Variants in LINC00632 observed in about 807,000 individuals in gnomAD.
LINC00632 encodes the protein long independently transcribed non-coding RNA 632.
chrX:140,783,450 C>T, exon 5 of LINC00632: 3 of 690,315 alleles, frequency 4.3e-6, no homozygotes, highest in Non-Finnish European at 6.4e-6. Context: ...CCAGGAAATC[C>T]ATGTCTTCCA....
chrX:140,724,293 ACACACACACATTCAGACACATTCCATACT>A (rs1336230540), intron 2 of LINC00632, among the ~76,000 whole-genome samples: 1 of 97,943 alleles, frequency 1.0e-5, no homozygotes, highest in Admixed American at 1.1e-4. Context: ...CACATTCCAT[ACACACACACATTCAGACACATTCCATACT>A]CACACACACA....
At chrX:140,760,576 G>C (rs940361318) in intron 3 of LINC00632, among the ~76,000 whole-genome samples, 1 of 111,631 alleles carries the variant, frequency 9.0e-6, no homozygotes, top group Admixed American at 9.5e-5. Context: ...TTCAAGACTA[G>C]CCTTACCAAC....
At chrX:140,722,567 C>T (rs1229607269) in intron 2 of LINC00632, among the ~76,000 whole-genome samples, 1 of 110,853 alleles carries the variant, frequency 9.0e-6, no homozygotes, top group Non-Finnish European at 1.9e-5. Context: ...AAATCCTTAA[C>T]ATACATAAAT....
chrX:140,742,431 G>A (rs1270715628), intron 3 of LINC00632, among the ~76,000 whole-genome samples: 3 of 111,263 alleles, frequency 2.7e-5, no homozygotes, highest in South Asian at 3.8e-4. Flanking sequence ...ATTAATTCAC[G>A]GTTAATTTGA....
At chrX:140,788,115 A>G (rs1230544410) in exon 5 of LINC00632, among the ~76,000 whole-genome samples, 1 of 109,557 alleles carries the variant, frequency 9.1e-6, no homozygotes, top group Non-Finnish European at 1.9e-5. Context: ...CTACATACAC[A>G]TAGCATACAA....
intron 2 of LINC00632, among the ~76,000 whole-genome samples, chrX:140,712,536 T>C (rs1372834756): frequency 9.2e-6 from 1 of 108,670 alleles, no homozygotes; most frequent in Non-Finnish European, 1.9e-5. Flanking sequence ...AAGTAAATAA[T>C]GTTTGCCAGC....
chrX:140,743,595 T>C (rs961050946), intron 3 of LINC00632, among the ~76,000 whole-genome samples: 3 of 111,318 alleles, frequency 2.7e-5, no homozygotes, highest in Non-Finnish European at 1.9e-5. Flanking sequence ...TCCCAACTAA[T>C]GATACAGTTA....
chrX:140,733,009 C>T (rs757081544), intron 2 of LINC00632, among the ~76,000 whole-genome samples: 5 of 111,888 alleles, frequency 4.5e-5, no homozygotes, highest in African/African-American at 1.3e-4. Context: ...GTGATCCACC[C>T]GTCTTGGTCT....
chrX:140,772,034 T>G, intron 3 of LINC00632: 1 of 280,409 alleles, frequency 3.6e-6, no homozygotes. Flanking sequence ...AGATTGCCTC[T>G]GTTCCTGACC....
exon 5 of LINC00632, among the ~76,000 whole-genome samples, chrX:140,779,751 T>C (rs746337405): frequency 7.1e-5 from 8 of 112,427 alleles, no homozygotes; most frequent in African/African-American, 2.6e-4. Flanking sequence ...CATTGCTACG[T>C]AAAGCCAAAG....
chrX:140,723,613 A>AACAGACACACATTCCAT (rs1930797625), intron 2 of LINC00632, among the ~76,000 whole-genome samples: 1 of 24,950 alleles, frequency 4.0e-5, no homozygotes, highest in Admixed American at 5.9e-4. Flanking sequence ...ACATTCCATA[A>AACAGACACACATTCCAT]ACACACACAC....
chrX:140,744,126 C>T (rs184730384), intron 3 of LINC00632, among the ~76,000 whole-genome samples: 5 of 110,882 alleles, frequency 4.5e-5, no homozygotes, highest in Admixed American at 1.9e-4. Flanking sequence ...AGTTTGTACA[C>T]TAGGTTCAGG....
intron 2 of LINC00632, among the ~76,000 whole-genome samples, chrX:140,724,072 A>G (rs1480770557): frequency 3.1e-5 from 2 of 65,102 alleles, no homozygotes. Flanking sequence ...CACATTCCAT[A>G]CCCACACACA....
At chrX:140,748,884 T>TATAC (rs386417635) in intron 3 of LINC00632, among the ~76,000 whole-genome samples, 1 of 106,383 alleles carries the variant, frequency 9.4e-6, no homozygotes, top group African/African-American at 3.4e-5. Context: ...TATAAAAATA[T>TATAC]ATAAAATAAA....
At chrX:140,786,308 A>G (rs950293005) in exon 5 of LINC00632, among the ~76,000 whole-genome samples, 1 of 112,020 alleles carries the variant, frequency 8.9e-6, no homozygotes, top group Non-Finnish European at 1.9e-5. Context: ...AAAGCTTAAA[A>G]TCGTCTGTGG....
At chrX:140,773,185 A>C (rs1179068142) in exon 4 of LINC00632, among the ~76,000 whole-genome samples, 1 of 108,696 alleles carries the variant, frequency 9.2e-6, no homozygotes, top group Non-Finnish European at 1.9e-5. Flanking sequence ...AAAAGAAGAG[A>C]AGAGAAAAGA....
chrX:140,769,483 C>G (rs1931753650), intron 3 of LINC00632, among the ~76,000 whole-genome samples: 1 of 109,706 alleles, frequency 9.1e-6, no homozygotes, highest in South Asian at 4.0e-4. Context: ...ACCCCACCCC[C>G]CCCATGAAAG....
intron 2 of LINC00632, among the ~76,000 whole-genome samples, chrX:140,718,746 A>G (rs971640440): frequency 5.4e-5 from 6 of 111,926 alleles, no homozygotes; most frequent in African/African-American, 1.9e-4. Flanking sequence ...AGAAGCATCT[A>G]TCATATAGAG....
chrX:140,781,038 C>T (rs1931926428), exon 5 of LINC00632, among the ~76,000 whole-genome samples: 1 of 110,854 alleles, frequency 9.0e-6, no homozygotes, highest in Non-Finnish European at 1.9e-5. Flanking sequence ...GGTTCATAGA[C>T]GTTTAATAAC....
Sources: allele counts gnomAD v4.1 joint callset (sites outside exome capture counted in the v4.1 genomes callset), GRCh38; gene constraint gnomAD v4.1.1; transcripts MANE v1.5; gene names NCBI Gene and HGNC (gene_info 2026-07-23, HGNC 2026-07-21).